WSCD1: variants seen among roughly 807,000 people sequenced by gnomAD.
The protein encoded by WSCD1 is sialate:O-sulfotransferase 1.
Under a neutral mutation model 60.4 loss-of-function variants are expected in WSCD1, and 41 were observed. That is an observed-to-expected ratio of 0.68 (90% CI 0.53 to 0.88). WSCD1 has a LOEUF of 0.88. WSCD1 is among the 40% of genes least tolerant of loss of function. The pLI is 0.00. For missense variants in WSCD1, 784 were observed against 796.2 expected (o/e 0.98, Z 0.18); for synonymous variants, 361 against 332.5 (o/e 1.09, Z -0.93).
intron 2 of WSCD1, among the ~76,000 whole-genome samples, chr17:6,086,003 A>G (rs577160461): frequency 6.6e-6 from 1 of 152,154 alleles, no homozygotes; most frequent in East Asian, 1.9e-4. Context: ...GCGTCCCCAG[A>G]TGAAGGTGAC....
chr17:6,069,795 GTGTGTGCGTGC>G (rs1908412988), upstream of WSCD1, among the ~76,000 whole-genome samples: 1 of 57,648 alleles, frequency 1.7e-5, no homozygotes, highest in Admixed American at 1.8e-4. Flanking sequence ...GTGTGTGTGT[GTGTGTGCGTGC>G]GTGTGTGGTG....
chr17:6,078,082 T>A (rs895031270), intron 1 of WSCD1: 2 of 152,258 alleles, frequency 1.3e-5, no homozygotes, highest in African/African-American at 2.4e-5. Flanking sequence ...TCTGGGTAAG[T>A]GGAATTTGAG....
At chr17:6,113,514 A>G (rs1211649723) in intron 7 of WSCD1, among the ~76,000 whole-genome samples, 1 of 152,196 alleles carries the variant, frequency 6.6e-6, no homozygotes, top group African/African-American at 2.4e-5. Flanking sequence ...TGTCAAAGTG[A>G]AAAACTTCTG....
chr17:6,100,402 C>T (rs1197690815), intron 5 of WSCD1, among the ~76,000 whole-genome samples: 4 of 152,228 alleles, frequency 2.6e-5, no homozygotes, highest in South Asian at 2.1e-4. Flanking sequence ...AGAACAGTGC[C>T]CTGGATGTCA....
intron 4 of WSCD1, among the ~76,000 whole-genome samples, chr17:6,094,353 C>T (rs1380667664): frequency 6.6e-6 from 1 of 152,130 alleles, no homozygotes; most frequent in Non-Finnish European, 1.5e-5. Flanking sequence ...TGCAAAGAGG[C>T]AAAGCAGTGG....
chr17:6,086,249 T>TTATATATATATATATATATATATATATA (rs1481687453), intron 2 of WSCD1, among the ~76,000 whole-genome samples: 9 of 71,222 alleles, frequency 1.3e-4, no homozygotes, highest in African/African-American at 4.0e-4. Flanking sequence ...CGTCCTGACT[T>TTATATATATATATATATATATATATATA]CATATATATA....
chr17:6,098,821 A>C (rs1910613852), intron 5 of WSCD1, among the ~76,000 whole-genome samples: 1 of 152,222 alleles, frequency 6.6e-6, no homozygotes, highest in Non-Finnish European at 1.5e-5. Flanking sequence ...CGGTGGGCAC[A>C]GCCAGGGGCA....
intron 1 of WSCD1, among the ~76,000 whole-genome samples, chr17:6,073,661 A>G (rs1386000083): frequency 6.6e-6 from 1 of 152,250 alleles, no homozygotes; most frequent in East Asian, 1.9e-4. Flanking sequence ...GAGATAACCC[A>G]GAGATAGGCT....
At chr17:6,073,001 T>A (rs1362494272) in intron 1 of WSCD1, among the ~76,000 whole-genome samples, 1 of 152,200 alleles carries the variant, frequency 6.6e-6, no homozygotes, top group South Asian at 2.1e-4. Flanking sequence ...TCGCTTCCCT[T>A]CCTTTGCTGC....
At chr17:6,078,477 CATAA>C (rs1869432679) in intron 1 of WSCD1, among the ~76,000 whole-genome samples, 1 of 152,064 alleles carries the variant, frequency 6.6e-6, no homozygotes, top group Non-Finnish European at 1.5e-5. Flanking sequence ...AAGGAAACAG[CATAA>C]ATAAAGGGTA....
chr17:6,075,575 G>A lies in WSCD1; in HGVS notation c.-288-4796G>A, dbSNP rs1225960803. Among the ~76,000 whole-genome samples, 2 of 152,132 alleles carry A rather than the reference G, an allele frequency of 1.3e-5. No homozygotes were observed. The highest frequency in any genetic ancestry group is 4.8e-5 in the African/African-American group (2 of 41,410). On this transcript the variant is annotated intron_variant, in intron 1 of 8. Coordinates refer to ENST00000317744, the MANE Select transcript of WSCD1 (RefSeq NM_015253.2). The surrounding 1 kb of genome is among the most constrained non-coding windows in gnomAD (Gnocchi z 4.1). ...TTGTCTGAATATCCAGGTGCTCTGG[G>A]CTCCTGCTCCCTCCCTGAGACTTCC...
In WSCD1 at chr17:6,086,252, T is replaced by TA. The variant is rs1436789061; in HGVS notation, c.428-1737dup. Among the ~76,000 whole-genome samples the TA allele has an allele frequency of 9.5e-3, 1,033 of 108,946 alleles. 50 individuals are homozygous for TA. In the East Asian group the frequency reaches 0.13, roughly 14 times the overall value. The allele number at this position is 108,946 out of a possible 152,430, so 71.5% of individuals were successfully genotyped here. On this transcript the variant is annotated intron_variant, in intron 2 of 8. Coordinates refer to ENST00000317744, the MANE Select transcript of WSCD1 (RefSeq NM_015253.2). Reference sequence around the variant, plus strand: ...AGTCAGTAAGACCGTCCTGACTTCATATATATATATATATATATATATACT... The same window carrying TA: ...AGTCAGTAAGACCGTCCTGACTTCATAATATATATATATATATATATATACT...
rs963658694 is a variant in WSCD1, at chr17:6,075,312, A to G, written c.-289+4660A>G. Among the ~76,000 whole-genome samples, 3 of 152,108 alleles carry G rather than the reference A, an allele frequency of 2.0e-5. No individual in the cohort carries two copies. Among genetic ancestry groups the G allele is most frequent in the African/African-American group, 4.8e-5 (2 of 41,400 alleles). ...CCGGGGGTCACGGGGAGGTTGAGTC[A>G]TCTGACTGAACCCCAGTGGCCACTG... On this transcript the variant is annotated intron_variant, in intron 1 of 8. Coordinates refer to ENST00000317744, the MANE Select transcript of WSCD1 (RefSeq NM_015253.2). This position sits in a 1 kb window ranked among gnomAD's most constrained non-coding sequence, Gnocchi z 4.1.
Position 6,080,714 on chromosome 17 carries a change from T to C in WSCD1, c.56T>C (p.Leu19Pro). 1.2e-6 allele frequency: 2 copies of C among 1,613,616 alleles called. No individual in the cohort carries two copies. The highest frequency in any genetic ancestry group is 8.5e-7 in the Non-Finnish European group (1 of 1,179,926). ...TTTCTCCGCCGAACACAGTTCCTGCTGTTCTTCCTCACGGCTGCCTACCTG... is the reference window on the plus strand; with the variant it reads ...TTTCTCCGCCGAACACAGTTCCTGCCGTTCTTCCTCACGGCTGCCTACCTG... ...QKFLRRTQFL[L>P]FFLTAAYLMT... Residue 19 changes from leucine to proline, a missense_variant, in exon 2 of 9, where the codon CTG becomes CCG. Coordinates refer to ENST00000317744, the MANE Select transcript of WSCD1 (RefSeq NM_015253.2). This position sits in a 1 kb window ranked among gnomAD's most constrained non-coding sequence, Gnocchi z 6.6.
intron 4 of WSCD1, among the ~76,000 whole-genome samples, chr17:6,092,503 G>A (rs1015236975): frequency 2.6e-5 from 4 of 152,120 alleles, no homozygotes; most frequent in Non-Finnish European, 5.9e-5. Flanking sequence ...ACTTGGCAGT[G>A]TCTCACCGAC....
At chr17:6,076,025 T>C (rs4381645) in intron 1 of WSCD1, among the ~76,000 whole-genome samples, 3,024 of 152,278 alleles carry the variant, frequency 0.02, 97 homozygotes, top group African/African-American at 0.068. Flanking sequence ...AAAAAGGTGC[T>C]GACAGAGGCG....
chr17:6,109,498 A>G (rs1911280806), intron 5 of WSCD1, 109 bp from the exon 6 acceptor site: 1 of 1,463,110 alleles, frequency 6.8e-7, no homozygotes, highest in South Asian at 1.3e-5. Flanking sequence ...TGGATTCCAT[A>G]CAGATACAGC....
chr17:6,119,459 AAGC>A, intron 8 of WSCD1, among the ~76,000 whole-genome samples: 1 of 152,310 alleles, frequency 6.6e-6, no homozygotes, highest in South Asian at 2.1e-4. Flanking sequence ...GTCAGAAACA[AAGC>A]AGTGTCCAGG....
chr17:6,110,405 G>C lies in WSCD1; in HGVS notation c.1010-366G>C, dbSNP rs1421310070. ...TGGCAGTACCTGGGTGTGTTACTTTGCTCAGCCTAGCCTCAATCCCCACCC... is the reference window on the plus strand; with the variant it reads ...TGGCAGTACCTGGGTGTGTTACTTTCCTCAGCCTAGCCTCAATCCCCACCC... On this transcript the variant is annotated intron_variant, in intron 6 of 8. Coordinates refer to ENST00000317744, the MANE Select transcript of WSCD1 (RefSeq NM_015253.2). The surrounding 1 kb of genome is among the most constrained non-coding windows in gnomAD (Gnocchi z 4.8). 6.6e-6 allele frequency among the ~76,000 whole-genome samples: 1 copy of C among 152,154 alleles called. No homozygotes were observed. The highest frequency in any genetic ancestry group is 1.5e-5 in the Non-Finnish European group (1 of 68,022).
Sources: allele counts gnomAD v4.1 joint callset (sites outside exome capture counted in the v4.1 genomes callset), GRCh38; gene constraint gnomAD v4.1.1; non-coding constraint Gnocchi (gnomAD v3.1); transcripts MANE v1.5; gene names NCBI Gene and HGNC (gene_info 2026-07-23, HGNC 2026-07-21).